The following HTR3B variants were observed in gnomAD, a reference collection of about 807,000 sequenced individuals.
HTR3B encodes 5-hydroxytryptamine (serotonin) receptor 3B, ionotropic.
A neutral mutation model predicts 42.8 loss-of-function variants in HTR3B; 44 were observed. The ratio of observed to expected loss-of-function variants is 1.03; its 90% CI spans 0.81 to 1.32. HTR3B has a LOEUF of 1.32. HTR3B is among the 40% of genes most tolerant of loss of function. The pLI, the probability that HTR3B is intolerant of heterozygous loss-of-function variation, is 0.00. For synonymous variants in HTR3B, 203 were observed against 209.0 expected (o/e 0.97, Z 0.25); for missense variants, 527 against 536.5 (o/e 0.98, Z 0.17).
chr11:113,901,107 A>G (rs1377617840), upstream of HTR3B, among the ~76,000 whole-genome samples: 3 of 152,134 alleles, frequency 2.0e-5, no homozygotes, highest in Non-Finnish European at 2.9e-5. Context: ...ATTTTTGTGA[A>G]AAACTGAAGG....
chr11:113,937,668 G>A (rs577997248), intron 6 of HTR3B, among the ~76,000 whole-genome samples: 16 of 152,312 alleles, frequency 1.1e-4, no homozygotes, highest in African/African-American at 3.6e-4. Flanking sequence ...GGTGGAGCCT[G>A]GACTTGAACC....
intron 2 of HTR3B, among the ~76,000 whole-genome samples, chr11:113,919,932 C>A (rs991775879): frequency 4.6e-5 from 7 of 152,138 alleles, no homozygotes; most frequent in East Asian, 1.9e-4. Flanking sequence ...GTGTCATTTT[C>A]CCCCAACTTA....
chr11:113,945,011 C>T (rs1447576912), intron 8 of HTR3B, among the ~76,000 whole-genome samples: 2 of 152,056 alleles, frequency 1.3e-5, no homozygotes, highest in Non-Finnish European at 2.9e-5. Flanking sequence ...TGCCATGTTG[C>T]GCAGGCTGGT....
intron 1 of HTR3B, chr11:113,908,916 G>A (rs1207193453): frequency 7.5e-6 from 2 of 268,044 alleles, no homozygotes; most frequent in Non-Finnish European, 1.4e-5. Flanking sequence ...AAAAACCAAC[G>A]CGGGAGTTAA....
At chr11:113,926,453 C>CTTTCCTTTCCTTTCT (rs1158411403) in intron 2 of HTR3B, among the ~76,000 whole-genome samples, 61 of 143,552 alleles carry the variant, frequency 4.2e-4, no homozygotes, top group Non-Finnish European at 6.5e-4. Context: ...ACTGCTTTTC[C>CTTTCCTTTCCTTTCT]TTTCCTTTCC....
chr11:113,907,132 T>C (rs1949739976), intron 1 of HTR3B, among the ~76,000 whole-genome samples: 1 of 152,192 alleles, frequency 6.6e-6, no homozygotes, highest in African/African-American at 2.4e-5. Context: ...TTTCAATCTC[T>C]CTTCACCTGC....
At chr11:113,932,816 AGGAGACT>A in intron 5 of HTR3B, 113 bp from the exon 6 acceptor site, 3 of 971,570 alleles carry the variant, frequency 3.1e-6, no homozygotes, top group Non-Finnish European at 1.6e-6. Flanking sequence ...AATAAGGCCA[AGGAGACT>A]GTGCCTATGG....
chr11:113,927,145 G>A (rs556531044), intron 2 of HTR3B, among the ~76,000 whole-genome samples: 105 of 151,952 alleles, frequency 6.9e-4, no homozygotes, highest in Non-Finnish European at 1.1e-3. Flanking sequence ...TTATCATCTT[G>A]ACCTTTTTTA....
intron 2 of HTR3B, among the ~76,000 whole-genome samples, chr11:113,914,243 G>A (rs1485956392): frequency 6.6e-6 from 1 of 151,786 alleles, no homozygotes; most frequent in Non-Finnish European, 1.5e-5. Flanking sequence ...CGAGGCAGGT[G>A]GATCACCTGA....
upstream of HTR3B, among the ~76,000 whole-genome samples, chr11:113,902,602 T>G (rs973273974): frequency 1.3e-5 from 2 of 152,210 alleles, no homozygotes; most frequent in East Asian, 3.9e-4. Context: ...CGATCTTCCC[T>G]CATTCTTGAA....
intron 2 of HTR3B, among the ~76,000 whole-genome samples, chr11:113,919,554 C>A (rs549429368): frequency 1.3e-5 from 2 of 152,086 alleles, no homozygotes; most frequent in Non-Finnish European, 2.9e-5. Context: ...TTAGGCAGGG[C>A]GCTGTGGCTC....
At chr11:113,932,797 C>T in intron 5 of HTR3B, 139 bp from the exon 6 acceptor site, 3 of 796,506 alleles carry the variant, frequency 3.8e-6, no homozygotes, top group South Asian at 1.7e-5. Flanking sequence ...ATCCCTACCC[C>T]CTAATTCAAA....
At position 113,943,002 on chromosome 11, in the gene HTR3B, C is replaced by G; in HGVS notation, c.717C>G (p.Pro239=). The G allele has an allele frequency of 6.2e-7, 1 of 1,614,098 alleles. No homozygotes were observed. Among genetic ancestry groups the G allele is most frequent in the Non-Finnish European group, 8.5e-7 (1 of 1,180,006 alleles). ...GCCAGGTGGTGATGCGCAGGCACCC[C>G]CTGGTCTATGTCGTGAGTCTGCTGA... The part of the protein sequence containing the change: ...IQFNVVMRRH[P]LVYVVSLLIP... The change falls in exon 7 of 9, where the codon CCC becomes CCG. Residue 239 remains proline (P), a synonymous_variant. Transcript: ENST00000260191.
At position 113,935,471 on chromosome 11, in the gene HTR3B, G is replaced by A. The variant is rs1057017136; in HGVS notation, c.696+2378G>A. ...GTAGAGTCACAGATCATATTTGGTG[G>A]GACAGGAGGCCAGACTCAGGAGCAA... is the stretch of plus-strand genomic sequence containing the variant. On this transcript the variant is annotated intron_variant, in intron 6 of 8. Coordinates refer to ENST00000260191, the MANE Select transcript of HTR3B (RefSeq NM_006028.5). 6.3e-5 allele frequency among the ~76,000 whole-genome samples: 8 copies of A among 126,284 alleles called. 1 individual carries two copies. The highest frequency in any genetic ancestry group is 2.1e-4 in the African/African-American group (8 of 37,972). 82.8% of individuals were successfully genotyped at this position (126,284 alleles called of 152,430 possible). A position where few individuals can be genotyped will look rare whatever the true frequency, so the allele number is the denominator to read the frequency against.
chr11:113,919,934 C>T (rs1949896600), intron 2 of HTR3B, among the ~76,000 whole-genome samples: 1 of 152,058 alleles, frequency 6.6e-6, no homozygotes, highest in Non-Finnish European at 1.5e-5. Context: ...GTCATTTTCC[C>T]CCAACTTAGA....
At chr11:113,937,848 TG>T (rs1320508256) in intron 6 of HTR3B, among the ~76,000 whole-genome samples, 2 of 152,212 alleles carry the variant, frequency 1.3e-5, no homozygotes, top group Non-Finnish European at 2.9e-5. Context: ...TAGCCCAAAC[TG>T]GGTGGCTCAA....
rs1173327381 is a variant in HTR3B at position 113,947,481 on chromosome 11, G to C, written c.*1344G>C. On this transcript the variant is annotated 3_prime_UTR_variant, in exon 9 of 9. Coordinates refer to ENST00000260191, the MANE Select transcript of HTR3B (RefSeq NM_006028.5). ...TTAAGAGAGATTTATTTTCTCACCAGTCTGGAAGCTAGAAGCCTAAGATCA... is the reference window on the plus strand; with the variant it reads ...TTAAGAGAGATTTATTTTCTCACCACTCTGGAAGCTAGAAGCCTAAGATCA... Among the ~76,000 whole-genome samples the C allele has an allele frequency of 6.6e-6, 1 of 152,210 alleles. No individual in the cohort carries two copies. The highest frequency in any genetic ancestry group is 1.9e-4 in the East Asian group (1 of 5,196).
At chr11:113,911,966 T>C (rs940137372) in intron 2 of HTR3B, among the ~76,000 whole-genome samples, 2 of 152,218 alleles carry the variant, frequency 1.3e-5, no homozygotes, top group East Asian at 3.8e-4. Context: ...TTAGTTTTAC[T>C]GGTTGTAGAA....
At chr11:113,937,409 C>A (rs1246227611) in intron 6 of HTR3B, among the ~76,000 whole-genome samples, 3 of 152,170 alleles carry the variant, frequency 2.0e-5, no homozygotes, top group Non-Finnish European at 4.4e-5. Flanking sequence ...ATGGTGAACA[C>A]TTAGGACATA....
Sources: allele counts gnomAD v4.1 joint callset (sites outside exome capture counted in the v4.1 genomes callset), GRCh38; gene constraint gnomAD v4.1.1; transcripts MANE v1.5; gene names NCBI Gene and HGNC (gene_info 2026-07-23, HGNC 2026-07-21).